Variants in RPTOR observed in about 807,000 individuals in gnomAD.
The protein encoded by RPTOR is regulatory-associated protein of mTOR.
A neutral mutation model predicts 169.9 loss-of-function variants in RPTOR; 21 were observed. The observed-to-expected ratio is 0.12, with a 90% CI of 0.09 to 0.18. The LOEUF is 0.18. Among genes scored for constraint, RPTOR ranks in the 10% least tolerant of loss-of-function variants. The pLI is 1.00. For missense variants in RPTOR, 1,133 were observed against 1,855.9 expected (o/e 0.61, Z 7.16); for synonymous variants, 732 against 753.2 (o/e 0.97, Z 0.46).
intron 1 of RPTOR, among the ~76,000 whole-genome samples, chr17:80,566,309 G>A (rs566466720): frequency 1.3e-5 from 2 of 152,300 alleles, no homozygotes; most frequent in African/African-American, 4.8e-5. Context: ...TAGAGATAGC[G>A]CGGTAACTCT....
At chr17:80,777,813 C>G (rs115530101) in intron 6 of RPTOR, among the ~76,000 whole-genome samples, 204 of 152,234 alleles carry the variant, frequency 1.3e-3, no homozygotes, top group African/African-American at 4.8e-3. Flanking sequence ...ATAGCTTGGA[C>G]TTTTGGATCT....
At chr17:80,593,916 C>G (rs918443708) in intron 1 of RPTOR, 2 of 152,262 alleles carry the variant, frequency 1.3e-5, no homozygotes, top group African/African-American at 4.8e-5. Flanking sequence ...TGGGAAGGGG[C>G]GTCTTTGGAC....
At chr17:80,914,602 G>A (rs937961647) in intron 21 of RPTOR, among the ~76,000 whole-genome samples, 4 of 152,246 alleles carry the variant, frequency 2.6e-5, no homozygotes, top group Admixed American at 1.3e-4. Context: ...TCGGAGCAAA[G>A]TTGAGGCTGT....
intron 1 of RPTOR, among the ~76,000 whole-genome samples, chr17:80,560,878 G>A (rs905449312): frequency 9.9e-5 from 15 of 151,678 alleles, no homozygotes; most frequent in African/African-American, 9.7e-5. Context: ...GTCAATAGGT[G>A]ATCAATAACT....
At chr17:80,817,517 G>C (rs550282586) in intron 7 of RPTOR, among the ~76,000 whole-genome samples, 2 of 152,080 alleles carry the variant, frequency 1.3e-5, no homozygotes, top group South Asian at 4.2e-4. Flanking sequence ...CACCTGCCAC[G>C]TGGGCACCTG....
intron 23 of RPTOR, 45 bp downstream of exon 23, chr17:80,923,718 G>A: frequency 6.7e-7 from 1 of 1,503,176 alleles, no homozygotes. Flanking sequence ...TGAGAGCGTT[G>A]CTTCTCAGAT....
At chr17:80,755,477 C>T (rs539093433) in intron 6 of RPTOR, among the ~76,000 whole-genome samples, 3 of 152,222 alleles carry the variant, frequency 2.0e-5, no homozygotes, top group South Asian at 2.1e-4. Flanking sequence ...TGGCTCATGC[C>T]TGTAACCCTA....
chr17:80,742,501 A>G (rs1228392806), intron 5 of RPTOR, among the ~76,000 whole-genome samples: 2 of 152,158 alleles, frequency 1.3e-5, no homozygotes, highest in East Asian at 3.9e-4. Context: ...ATGTACACAT[A>G]CACATGCACA....
Position 80,721,863 on chromosome 17 carries a change from G to GGT in RPTOR, c.508-8696_508-8695dup, listed in dbSNP as rs1014850870. Among the ~76,000 whole-genome samples, 1 of 141,166 alleles carries GGT rather than the reference G, an allele frequency of 7.1e-6. No individual in the cohort carries two copies. Among genetic ancestry groups the GGT allele is most frequent in the African/African-American group, 2.6e-5 (1 of 38,548 alleles). The allele number at this position is 141,166 out of a possible 152,430, so 92.6% of individuals were successfully genotyped here. ...ACAAGTCTTCATTATTATCCAATTT[G>GGT]GTATATATATATATATTTCAGGTTT... On this transcript the variant is annotated intron_variant, in intron 4 of 33. Transcript: ENST00000306801. This position sits in a 1 kb window ranked among gnomAD's most constrained non-coding sequence, Gnocchi z 4.7.
rs192028070 is a variant in RPTOR at position 80,796,095 on chromosome 17, A to G, written c.890+4586A>G. Among the ~76,000 whole-genome samples the G allele has an allele frequency of 5.5e-4, 84 of 152,314 alleles. No individual in the cohort carries two copies. The East Asian group carries it at 0.015, about 28-fold the overall frequency. On this transcript the variant is annotated intron_variant, in intron 7 of 33. Coordinates refer to ENST00000306801, the MANE Select transcript of RPTOR (RefSeq NM_020761.3). The stretch of plus-strand genomic sequence containing the variant: ...GCTCTCGAGGCCCATTGCTGAGACA[A>G]ATGGCTTAGCAGGCTGTTTTAGTCC...
intron 1 of RPTOR, among the ~76,000 whole-genome samples, chr17:80,573,726 T>C (rs1393824041): frequency 6.6e-6 from 1 of 152,228 alleles, no homozygotes; most frequent in African/African-American, 2.4e-5. Flanking sequence ...GATGCAGTTA[T>C]GTAAGGGGTG....
chr17:80,855,652 C>A, intron 12 of RPTOR, 105 bp downstream of exon 12: 1 of 874,500 alleles, frequency 1.1e-6, no homozygotes, highest in Non-Finnish European at 1.9e-6. Flanking sequence ...CCACCCCCAG[C>A]CGTGAGACCC....
At chr17:80,952,496 C>T (rs1259152409) in intron 28 of RPTOR, among the ~76,000 whole-genome samples, 2 of 152,234 alleles carry the variant, frequency 1.3e-5, no homozygotes, top group East Asian at 3.9e-4. Flanking sequence ...CCGCTTGCCC[C>T]AGCCCCCACT....
intron 1 of RPTOR, 123 bp from the exon 2 acceptor site, chr17:80,625,568 G>A (rs927749647): frequency 2.0e-5 from 14 of 715,166 alleles, no homozygotes; most frequent in Non-Finnish European, 2.6e-5. Context: ...GCGGAGGACT[G>A]GCTGGAGGGC....
chr17:80,652,602 C>T (rs1479074260), intron 3 of RPTOR, among the ~76,000 whole-genome samples: 1 of 152,218 alleles, frequency 6.6e-6, no homozygotes, highest in Non-Finnish European at 1.5e-5. Flanking sequence ...CTTTCTATAG[C>T]TGAAAAACAT....
chr17:80,911,553 G>A (rs1400960509), intron 21 of RPTOR, among the ~76,000 whole-genome samples: 7 of 152,190 alleles, frequency 4.6e-5, no homozygotes, highest in African/African-American at 7.2e-5. Flanking sequence ...AGGCCAAGGC[G>A]AGAGACGATC....
At chr17:80,838,708 A>C (rs533899417) in intron 10 of RPTOR, among the ~76,000 whole-genome samples, 1 of 152,176 alleles carries the variant, frequency 6.6e-6, no homozygotes, top group African/African-American at 2.4e-5. Flanking sequence ...GGGATGGGGG[A>C]GGCGGCAGCC....
At chr17:80,752,030 C>T (rs140383234) in intron 5 of RPTOR, among the ~76,000 whole-genome samples, 2,924 of 152,284 alleles carry the variant, frequency 0.019, 104 homozygotes, top group African/African-American at 0.067. Flanking sequence ...CTGTGTGGCC[C>T]GGTATGATCG....
At chr17:80,621,917 C>T (rs149619115) in intron 1 of RPTOR, among the ~76,000 whole-genome samples, 1 of 152,174 alleles carries the variant, frequency 6.6e-6, no homozygotes, top group Non-Finnish European at 1.5e-5. Context: ...CCAGACAAGC[C>T]CCAGGGCAGC....
Sources: allele counts gnomAD v4.1 joint callset (sites outside exome capture counted in the v4.1 genomes callset), GRCh38; gene constraint gnomAD v4.1.1; non-coding constraint Gnocchi (gnomAD v3.1); transcripts MANE v1.5; gene names NCBI Gene and HGNC (gene_info 2026-07-23, HGNC 2026-07-21).